Variants in SLC26A7 observed in about 807,000 individuals in gnomAD.
SLC26A7 encodes anion exchange transporter.
In SLC26A7, 59 loss-of-function variants were observed where a neutral mutation model predicts 82.5. That is an observed-to-expected ratio of 0.72 (90% CI 0.58 to 0.89). The LOEUF is 0.89. SLC26A7 is among the 40% of genes least tolerant of loss of function. The pLI is 0.00. For missense variants in SLC26A7, 820 were observed against 793.0 expected (o/e 1.03, Z -0.41); for synonymous variants, 271 against 274.3 (o/e 0.99, Z 0.12).
intron 9 of SLC26A7, among the ~76,000 whole-genome samples, chr8:91,351,198 C>A (rs1233503165): frequency 6.6e-6 from 1 of 152,082 alleles, no homozygotes; most frequent in Non-Finnish European, 1.5e-5. Context: ...GTGAATTGAA[C>A]TGCCTTTTGT....
At chr8:91,365,807 G>A (rs1371540885) in intron 13 of SLC26A7, among the ~76,000 whole-genome samples, 1 of 152,104 alleles carries the variant, frequency 6.6e-6, no homozygotes, top group Non-Finnish European at 1.5e-5. Context: ...CTCTTCTATG[G>A]AAGTAAAGCC....
chr8:91,263,159 T>C lies in SLC26A7; in HGVS notation c.193+13315T>C, dbSNP rs142023030. ...AATTCTCTGGTCCTAATTAGATTCA[T>C]AATATATGCATCTCAGCTAAAAGTT... On this transcript the variant is annotated intron_variant, in intron 2 of 18. Coordinates refer to ENST00000276609, the MANE Select transcript of SLC26A7 (RefSeq NM_052832.4). 1.4e-3 allele frequency among the ~76,000 whole-genome samples: 214 copies of C among 152,210 alleles called. 2 individuals carry two copies. The highest frequency in any genetic ancestry group is 5.1e-3 in the African/African-American group (211 of 41,560).
At chr8:91,347,845 T>A (rs951446509) in intron 9 of SLC26A7, among the ~76,000 whole-genome samples, 25 of 152,190 alleles carry the variant, frequency 1.6e-4, no homozygotes, top group African/African-American at 5.8e-4. Flanking sequence ...TTTAGGGGAA[T>A]AAGAAATTTG....
intron 2 of SLC26A7, among the ~76,000 whole-genome samples, chr8:91,281,093 TA>T (rs1251834780): frequency 6.6e-6 from 1 of 152,244 alleles, no homozygotes; most frequent in African/African-American, 2.4e-5. Flanking sequence ...AAATTCAGGA[TA>T]ATGTTCAGAT....
intron 9 of SLC26A7, chr8:91,348,449 G>A (rs1813624978): frequency 4.6e-6 from 3 of 655,522 alleles, no homozygotes; most frequent in Non-Finnish European, 5.7e-6. Context: ...CTAACATAGA[G>A]CATATAAAAT....
intron 8 of SLC26A7, 173 bp downstream of exon 8, chr8:91,340,724 T>A: frequency 1.4e-6 from 1 of 691,654 alleles, no homozygotes; most frequent in Non-Finnish European, 2.4e-6. Context: ...GCTAAAAACC[T>A]GACATTGATT....
At chr8:91,389,567 G>T in intron 16 of SLC26A7, 129 bp downstream of exon 16, 1 of 715,868 alleles carries the variant, frequency 1.4e-6, no homozygotes, top group Non-Finnish European at 2.4e-6. Flanking sequence ...ATTTACAAAG[G>T]ACGTAGAACT....
intron 13 of SLC26A7, among the ~76,000 whole-genome samples, chr8:91,366,107 T>G (rs1814185339): frequency 6.6e-6 from 1 of 152,226 alleles, no homozygotes; most frequent in Non-Finnish European, 1.5e-5. Context: ...AAATTAGGAC[T>G]GTTAATCACT....
chr8:91,336,739 A>C (rs1350751270), intron 6 of SLC26A7, among the ~76,000 whole-genome samples: 2 of 152,164 alleles, frequency 1.3e-5, no homozygotes, highest in African/African-American at 4.8e-5. Flanking sequence ...TTGGTAAAGA[A>C]ATACAGGGAG....
intron 2 of SLC26A7, among the ~76,000 whole-genome samples, chr8:91,267,547 A>G (rs1811147646): frequency 6.6e-6 from 1 of 151,826 alleles, no homozygotes; most frequent in Non-Finnish European, 1.5e-5. Context: ...TCATTGGTCA[A>G]TAGTTGTTCA....
chr8:91,367,101 G>A (rs1272496063), intron 14 of SLC26A7, among the ~76,000 whole-genome samples: 5 of 151,642 alleles, frequency 3.3e-5, no homozygotes, highest in Non-Finnish European at 2.9e-5. Flanking sequence ...TCCGCCTCCC[G>A]GGTTCACGCC....
At position 91,309,109 on chromosome 8, in the gene SLC26A7, TAAAC is replaced by T. The variant is rs533414140; in HGVS notation, c.478-9105_478-9102del. On this transcript the variant is annotated intron_variant, in intron 4 of 18. Transcript: ENST00000276609. ...AGCAAGGGAATATTTTTATGTATGTTAAACATAATATAATTATGTTTAATTATAC... is the reference window on the plus strand; with the variant it reads ...AGCAAGGGAATATTTTTATGTATGTTATAATATAATTATGTTTAATTATAC... 2.5e-3 allele frequency among the ~76,000 whole-genome samples: 388 copies of T among 152,210 alleles called. 2 individuals are homozygous for T. The highest frequency in any genetic ancestry group is 8.6e-3 in the African/African-American group (359 of 41,536).
At chr8:91,273,462 T>C (rs1586348825) in intron 2 of SLC26A7, among the ~76,000 whole-genome samples, 1 of 152,266 alleles carries the variant, frequency 6.6e-6, no homozygotes, top group East Asian at 1.9e-4. Context: ...ATATGGTCTG[T>C]GAATATCAGG....
At chr8:91,368,201 G>A (rs1488465084) in intron 14 of SLC26A7, among the ~76,000 whole-genome samples, 3 of 152,086 alleles carry the variant, frequency 2.0e-5, no homozygotes, top group Non-Finnish European at 4.4e-5. Context: ...TTATCAACAT[G>A]TTTACTCTAC....
Position 91,395,095 on chromosome 8 carries a change from T to G in SLC26A7, c.1969T>G (p.Ter657GlyextTer15). 1.2e-6 allele frequency: 2 copies of G among 1,613,468 alleles called. No homozygotes were observed. Among genetic ancestry groups the G allele is most frequent in the Non-Finnish European group, 1.7e-6 (2 of 1,179,420 alleles). Residue 657 changes from the stop codon to glycine (G), a stop_lost, in exon 19 of 19, where the codon TGA becomes GGA. Coordinates refer to ENST00000276609, the MANE Select transcript of SLC26A7 (RefSeq NM_052832.4). ...LSKLSDHSEV[*>G] ...CAAACTCAGTGACCACAGTGAAGTC[T>G]GAGACCCTTTTGTCACAGTACAGCT...
chr8:91,317,619 C>T (rs1453721960), intron 4 of SLC26A7, among the ~76,000 whole-genome samples: 1 of 152,080 alleles, frequency 6.6e-6, no homozygotes, highest in Non-Finnish European at 1.5e-5. Context: ...GAGTATGTTC[C>T]CATTTCTCAG....
Position 91,216,282 on chromosome 8 carries a change from A to G in SLC26A7, c.-149-2608A>G, listed in dbSNP as rs140804211. On this transcript the variant is annotated intron_variant, in intron 1 of 5. Transcript: ENST00000522862. ...ACAGACACTTTGCATTCCTGCTTGC[A>G]ATAAGAGCCAACCTAAACTCTGCCC... Among the ~76,000 whole-genome samples, 27 of 152,282 alleles carry G rather than the reference A, an allele frequency of 1.8e-4. No homozygotes were observed. The East Asian group carries it at 4.4e-3, about 25-fold the overall frequency.
intron 7 of SLC26A7, among the ~76,000 whole-genome samples, chr8:91,339,988 A>T (rs1246439445): frequency 2.6e-5 from 4 of 152,212 alleles, no homozygotes; most frequent in Admixed American, 6.5e-5. Context: ...TGTAGCTCAC[A>T]GTAAACCAGT....
chr8:91,325,622 A>G (rs988280819), intron 5 of SLC26A7, among the ~76,000 whole-genome samples: 1 of 152,136 alleles, frequency 6.6e-6, no homozygotes, highest in African/African-American at 2.4e-5. Flanking sequence ...CGTATGCCTG[A>G]GAAGCAGCCA....
Sources: allele counts gnomAD v4.1 joint callset (sites outside exome capture counted in the v4.1 genomes callset), GRCh38; gene constraint gnomAD v4.1.1; transcripts MANE v1.5; gene names NCBI Gene and HGNC (gene_info 2026-07-23, HGNC 2026-07-21).